The following PCDH9 variants were observed in gnomAD, a reference collection of about 807,000 sequenced individuals.
PCDH9 encodes protocadherin 9.
In PCDH9, 24 loss-of-function variants were observed where a neutral mutation model predicts 70.6. The ratio of observed to expected loss-of-function variants is 0.34; its 90% CI spans 0.25 to 0.48. The LOEUF (loss-of-function observed/expected upper bound fraction) is 0.48, where lower values mean the gene tolerates loss of function less well. Among genes scored for constraint, PCDH9 ranks in the 20% least tolerant of loss-of-function variants. The pLI, the probability that PCDH9 is intolerant of heterozygous loss-of-function variation, is 0.99. For synonymous variants in PCDH9, 562 were observed against 558.5 expected (o/e 1.01, Z -0.09); for missense variants, 1,281 against 1,503.6 (o/e 0.85, Z 2.45).
At chr13:66,680,170 T>C (rs1408072706) in intron 3 of PCDH9, among the ~76,000 whole-genome samples, 1 of 151,960 alleles carries the variant, frequency 6.6e-6, no homozygotes, top group African/African-American at 2.4e-5. Context: ...ATTTCAGTTT[T>C]ATATTGTGTC....
chr13:66,582,626 T>C (rs1009394488), intron 4 of PCDH9, among the ~76,000 whole-genome samples: 3 of 152,112 alleles, frequency 2.0e-5, no homozygotes, highest in Non-Finnish European at 4.4e-5. Flanking sequence ...AGTGAGACCC[T>C]GTCTCAAACA....
chr13:66,646,641 C>A (rs1467299228), intron 3 of PCDH9, among the ~76,000 whole-genome samples: 3 of 152,070 alleles, frequency 2.0e-5, no homozygotes, highest in Admixed American at 2.0e-4. Flanking sequence ...AGAGATGGAG[C>A]AAGATGGCTG....
chr13:66,963,556 A>G (rs1241684333), intron 2 of PCDH9, among the ~76,000 whole-genome samples: 1 of 152,212 alleles, frequency 6.6e-6, no homozygotes, highest in Non-Finnish European at 1.5e-5. Context: ...TAAGTGCACC[A>G]CATTGATAGA....
chr13:66,507,502 T>C (rs1219540556), intron 4 of PCDH9, among the ~76,000 whole-genome samples: 1 of 152,124 alleles, frequency 6.6e-6, no homozygotes, highest in African/African-American at 2.4e-5. Flanking sequence ...TATGTGTATG[T>C]TTGTAGCTGT....
chr13:66,463,423 G>T (rs7326770), intron 4 of PCDH9, among the ~76,000 whole-genome samples: 2,047 of 151,732 alleles, frequency 0.013, 50 homozygotes, highest in African/African-American at 0.047. Flanking sequence ...ACATATATTT[G>T]TGCTGCACAG....
At chr13:66,936,066 A>C (rs2082911443) in intron 2 of PCDH9, among the ~76,000 whole-genome samples, 1 of 152,226 alleles carries the variant, frequency 6.6e-6, no homozygotes, top group Non-Finnish European at 1.5e-5. Flanking sequence ...GCTTGGCAAC[A>C]GAGCGAGACT....
intron 4 of PCDH9, among the ~76,000 whole-genome samples, chr13:66,380,133 G>T (rs1227376105): frequency 4.6e-5 from 7 of 152,142 alleles, no homozygotes; most frequent in Non-Finnish European, 1.0e-4. Flanking sequence ...TAACCTCTCT[G>T]AGAGCAAACT....
intron 4 of PCDH9, among the ~76,000 whole-genome samples, chr13:66,430,211 T>C (rs1317169058): frequency 6.6e-6 from 1 of 152,094 alleles, no homozygotes; most frequent in African/African-American, 2.4e-5. Context: ...AGTTTGTATT[T>C]ACCTATATTT....
chr13:66,517,495 A>C (rs1362068575), intron 4 of PCDH9, among the ~76,000 whole-genome samples: 5 of 152,166 alleles, frequency 3.3e-5, no homozygotes, highest in African/African-American at 7.2e-5. Flanking sequence ...AATTTAAAAA[A>C]AACAACAACA....
intron 3 of PCDH9, among the ~76,000 whole-genome samples, chr13:66,775,139 A>G (rs936086375): frequency 1.3e-5 from 2 of 152,188 alleles, no homozygotes; most frequent in African/African-American, 4.8e-5. Context: ...AAATGACAAA[A>G]CATTTGTTTG....
intron 4 of PCDH9, among the ~76,000 whole-genome samples, chr13:66,333,644 C>A (rs1464343952): frequency 5.3e-5 from 8 of 152,100 alleles, no homozygotes; most frequent in Non-Finnish European, 8.8e-5. Flanking sequence ...AAAACTTAAG[C>A]AGACTTCTTT....
chr13:66,358,224 G>C (rs1008142147), intron 4 of PCDH9, among the ~76,000 whole-genome samples: 1 of 151,766 alleles, frequency 6.6e-6, no homozygotes, highest in South Asian at 2.1e-4. Context: ...TACTACTTAA[G>C]GGAAAGTCTC....
At chr13:66,338,156 C>G (rs1042278945) in intron 4 of PCDH9, among the ~76,000 whole-genome samples, 6 of 152,048 alleles carry the variant, frequency 3.9e-5, no homozygotes, top group African/African-American at 1.2e-4. Flanking sequence ...AACACATGAA[C>G]GAAATCATGT....
intron 2 of PCDH9, among the ~76,000 whole-genome samples, chr13:67,056,492 T>C (rs1164185489): frequency 6.6e-6 from 1 of 152,196 alleles, no homozygotes; most frequent in African/African-American, 2.4e-5. Context: ...TAGAAGTCTG[T>C]CTCAGGGGAA....
At chr13:67,099,674 A>G (rs1337930538) in intron 2 of PCDH9, among the ~76,000 whole-genome samples, 1 of 152,180 alleles carries the variant, frequency 6.6e-6, no homozygotes, top group Non-Finnish European at 1.5e-5. Flanking sequence ...GAAGGGCCCC[A>G]TGGAGAACAC....
At chr13:66,846,136 CAA>C (rs56199120) in intron 3 of PCDH9, among the ~76,000 whole-genome samples, 41,298 of 134,390 alleles carry the variant, frequency 0.31, 6,300 homozygotes, top group Admixed American at 0.36. Flanking sequence ...AAAAAAAGAC[CAA>C]AAAAAAAAAA....
intron 4 of PCDH9, among the ~76,000 whole-genome samples, chr13:66,522,302 A>C (rs1421610076): frequency 1.3e-5 from 2 of 152,040 alleles, no homozygotes; most frequent in Non-Finnish European, 2.9e-5. Flanking sequence ...GACAAAAAAA[A>C]TTACATTGTC....
chr13:67,037,808 A>C (rs1342552258), intron 2 of PCDH9, among the ~76,000 whole-genome samples: 1 of 152,184 alleles, frequency 6.6e-6, no homozygotes, highest in Admixed American at 6.6e-5. Flanking sequence ...CATAAATGAA[A>C]ATATATGACT....
chr13:66,917,296 T>A (rs2139634857), intron 2 of PCDH9, among the ~76,000 whole-genome samples: 1 of 151,650 alleles, frequency 6.6e-6, no homozygotes, highest in South Asian at 2.1e-4. Flanking sequence ...GGTACACACT[T>A]GCCTTACATA....
Sources: allele counts gnomAD v4.1 joint callset (sites outside exome capture counted in the v4.1 genomes callset), GRCh38; gene constraint gnomAD v4.1.1; transcripts MANE v1.5; gene names NCBI Gene and HGNC (gene_info 2026-07-23, HGNC 2026-07-21).